Variants in ESRRB observed in about 807,000 individuals in gnomAD.
ESRRB encodes estrogen related receptor beta, also known as steroid hormone receptor ERR2.
In ESRRB, 16 loss-of-function variants were observed where a neutral mutation model predicts 46.0. The observed-to-expected ratio is 0.35, with a 90% CI of 0.24 to 0.53. ESRRB has a LOEUF of 0.53. ESRRB is among the 20% of genes least tolerant of loss of function. ESRRB has a pLI of 0.93. For missense variants in ESRRB, 488 were observed against 607.4 expected (o/e 0.80, Z 2.07); for synonymous variants, 246 against 259.6 (o/e 0.95, Z 0.50).
intron 1 of ESRRB, among the ~76,000 whole-genome samples, chr14:76,415,254 C>CA (rs1374388457): frequency 1.1e-4 from 16 of 152,214 alleles, no homozygotes; most frequent in African/African-American, 3.9e-4. Flanking sequence ...CAGTCCAAGA[C>CA]AAAATACCTT....
At chr14:76,342,948 T>C (rs1334133397) in intron 1 of ESRRB, among the ~76,000 whole-genome samples, 1 of 152,080 alleles carries the variant, frequency 6.6e-6, no homozygotes, top group African/African-American at 2.4e-5. Context: ...AATGAGATCA[T>C]TACAAATTAG....
chr14:76,385,651 C>G (rs1401258988), intron 1 of ESRRB, among the ~76,000 whole-genome samples: 2 of 152,202 alleles, frequency 1.3e-5, no homozygotes. Flanking sequence ...TTCCTACCCA[C>G]TGCTCTCCCA....
chr14:76,440,972 C>T (rs1317911836), intron 2 of ESRRB, among the ~76,000 whole-genome samples: 3 of 152,284 alleles, frequency 2.0e-5, no homozygotes, highest in Admixed American at 2.0e-4. Context: ...CGCTTGAACC[C>T]GGGAGGTGGA....
chr14:76,462,855 G>A (rs146379190), intron 3 of ESRRB, among the ~76,000 whole-genome samples, 194 bp downstream of exon 3: 2 of 152,234 alleles, frequency 1.3e-5, no homozygotes, highest in East Asian at 1.9e-4. Context: ...GGTGGGAATT[G>A]GAATTTCTTC....
chr14:76,317,972 A>C (rs1883821941), intron 1 of ESRRB, among the ~76,000 whole-genome samples: 1 of 152,102 alleles, frequency 6.6e-6, no homozygotes, highest in Admixed American at 6.5e-5. Flanking sequence ...CTTTAGCATC[A>C]TTCTCCTTGG....
At chr14:76,470,666 G>GT (rs1241330371) in intron 3 of ESRRB, among the ~76,000 whole-genome samples, 2 of 152,120 alleles carry the variant, frequency 1.3e-5, no homozygotes, top group Non-Finnish European at 2.9e-5. Context: ...TACAAGTATT[G>GT]TTTTTTTGTG....
intron 1 of ESRRB, among the ~76,000 whole-genome samples, chr14:76,316,697 A>G (rs1305356645): frequency 6.6e-6 from 1 of 151,762 alleles, no homozygotes; most frequent in Non-Finnish European, 1.5e-5. Flanking sequence ...CCTTGCCCCT[A>G]TCCTTCTCTC....
chr14:76,375,353 G>A (rs1884726236), upstream of ESRRB, among the ~76,000 whole-genome samples: 1 of 152,176 alleles, frequency 6.6e-6, no homozygotes, highest in Non-Finnish European at 1.5e-5. Flanking sequence ...TGGGGATTCA[G>A]GTGTGTATTT....
intron 1 of ESRRB, among the ~76,000 whole-genome samples, chr14:76,358,326 AGAAAGAAAG>A (rs1884412809): frequency 2.9e-5 from 1 of 34,026 alleles, no homozygotes; most frequent in Non-Finnish European, 4.6e-5. Context: ...AAAAAAAAAA[AGAAAGAAAG>A]AAAGAAAGAA....
At chr14:76,432,151 C>A (rs1209583842) in intron 1 of ESRRB, among the ~76,000 whole-genome samples, 1 of 152,170 alleles carries the variant, frequency 6.6e-6, no homozygotes, top group African/African-American at 2.4e-5. Flanking sequence ...AGTTTTGCTC[C>A]CAGGGAGACA....
chr14:76,342,379 G>T (rs1233006324), intron 1 of ESRRB, among the ~76,000 whole-genome samples: 1 of 152,176 alleles, frequency 6.6e-6, no homozygotes, highest in South Asian at 2.1e-4. Flanking sequence ...AGGGAACTTG[G>T]TGAGAGCCCT....
intron 1 of ESRRB, among the ~76,000 whole-genome samples, chr14:76,353,331 G>T (rs1397283370): frequency 6.6e-6 from 1 of 152,130 alleles, no homozygotes; most frequent in Non-Finnish European, 1.5e-5. Flanking sequence ...TGTTGAAACC[G>T]ATGGGCAGCT....
At chr14:76,445,461 C>T (rs139157862) in intron 2 of ESRRB, among the ~76,000 whole-genome samples, 6,524 of 109,830 alleles carry the variant, frequency 0.059, 531 homozygotes, top group African/African-American at 0.22. Flanking sequence ...AGCAAAACTC[C>T]GTCTCAAAAA....
intron 2 of ESRRB, among the ~76,000 whole-genome samples, chr14:76,441,841 C>T (rs1887935607): frequency 6.6e-6 from 1 of 152,216 alleles, no homozygotes; most frequent in African/African-American, 2.4e-5. Flanking sequence ...ACCCATCCTG[C>T]CCCTGCATCA....
chr14:76,475,109 C>G (rs1165300995), intron 3 of ESRRB, among the ~76,000 whole-genome samples: 1 of 151,820 alleles, frequency 6.6e-6, no homozygotes, highest in Non-Finnish European at 1.5e-5. Flanking sequence ...TGGCATGTGC[C>G]TATGGTCCCA....
At chr14:76,407,605 G>C (rs867311569) in intron 1 of ESRRB, 2 of 985,862 alleles carry the variant, frequency 2.0e-6, no homozygotes, top group Non-Finnish European at 2.4e-6. Context: ...GGGTAAGTTG[G>C]GTCCAGTCGG....
At chr14:76,416,614 T>C (rs1321760760) in intron 1 of ESRRB, among the ~76,000 whole-genome samples, 1 of 151,860 alleles carries the variant, frequency 6.6e-6, no homozygotes, top group East Asian at 1.9e-4. Context: ...GGATTACAGA[T>C]ACCCACCACC....
intron 6 of ESRRB, among the ~76,000 whole-genome samples, chr14:76,494,086 C>T (rs1291899464): frequency 6.6e-6 from 1 of 152,204 alleles, no homozygotes; most frequent in East Asian, 1.9e-4. Flanking sequence ...AAACCCTTGC[C>T]TCAGGCTCTG....
In ESRRB at chr14:76,498,697, G is replaced by A; in HGVS notation, c.*239G>A. 2 of 1,401,214 alleles carry A rather than the reference G, an allele frequency of 1.4e-6. No individual in the cohort carries two copies. Among genetic ancestry groups the A allele is most frequent in the South Asian group, 1.2e-5 (1 of 85,338 alleles). The allele number at this position is 1,401,214 out of a possible 1,614,324, so 86.8% of individuals were successfully genotyped here. ...CTGTAACTGGCTTTTTCTTTGGTAT[G>A]TCTTTCCTTCTCCATGGACGGTGCG... On this transcript the variant is annotated 3_prime_UTR_variant, in exon 7 of 7. Transcript: ENST00000644823.
Sources: allele counts gnomAD v4.1 joint callset (sites outside exome capture counted in the v4.1 genomes callset), GRCh38; gene constraint gnomAD v4.1.1; transcripts MANE v1.5; gene names NCBI Gene and HGNC (gene_info 2026-07-23, HGNC 2026-07-21).